Variants in RBFOX1 observed in about 807,000 individuals in gnomAD.
RBFOX1 encodes RNA binding fox-1 homolog 1.
A neutral mutation model predicts 57.7 loss-of-function variants in RBFOX1; 8 were observed. The ratio of observed to expected loss-of-function variants is 0.14; its 90% CI spans 0.08 to 0.25. RBFOX1 has a LOEUF of 0.25. RBFOX1 is among the 10% of genes least tolerant of loss of function. The pLI is 1.00. For missense variants in RBFOX1, 611 were observed against 548.5 expected (o/e 1.11, Z -1.14); for synonymous variants, 326 against 222.4 (o/e 1.47, Z -4.15).
At chr16:6,847,924 G>C (rs927044200) in intron 3 of RBFOX1, among the ~76,000 whole-genome samples, 2 of 152,010 alleles carry the variant, frequency 1.3e-5, no homozygotes, top group African/African-American at 4.8e-5. Flanking sequence ...TGCAACCTCT[G>C]TATCAAGCAA....
intron 3 of RBFOX1, among the ~76,000 whole-genome samples, chr16:6,960,956 C>T (rs1269447440): frequency 7.1e-6 from 1 of 141,520 alleles, no homozygotes; most frequent in African/African-American, 2.7e-5. Context: ...GATGAAACTC[C>T]ATCTCTACTG....
At chr16:6,734,192 G>T (rs188532579) in intron 3 of RBFOX1, among the ~76,000 whole-genome samples, 8 of 152,166 alleles carry the variant, frequency 5.3e-5, no homozygotes, top group Admixed American at 5.2e-4. Context: ...GCCCACATCC[G>T]TGCAGCTCTG....
At chr16:7,090,938 C>T (rs967421165) in intron 4 of RBFOX1, among the ~76,000 whole-genome samples, 1 of 152,106 alleles carries the variant, frequency 6.6e-6, no homozygotes, top group East Asian at 1.9e-4. Flanking sequence ...TTTAATTCCG[C>T]CAGGATTAGA....
intron 4 of RBFOX1, among the ~76,000 whole-genome samples, chr16:7,171,152 C>T (rs1254419652): frequency 1.3e-5 from 2 of 152,222 alleles, no homozygotes; most frequent in African/African-American, 4.8e-5. Context: ...TACTTGCCAC[C>T]ATTGCCAGTC....
At chr16:6,360,580 A>T (rs139942057) in intron 2 of RBFOX1, among the ~76,000 whole-genome samples, 3 of 152,248 alleles carry the variant, frequency 2.0e-5, no homozygotes, top group African/African-American at 7.2e-5. Flanking sequence ...GTCTCATCCA[A>T]TATTATTATG....
intron 2 of RBFOX1, among the ~76,000 whole-genome samples, chr16:5,572,054 A>C (rs1359603762): frequency 6.6e-6 from 1 of 152,072 alleles, no homozygotes; most frequent in African/African-American, 2.4e-5. Flanking sequence ...CCCTCCTGAC[A>C]TAGAACAAGC....
At chr16:6,169,805 C>A (rs908763178) in intron 1 of RBFOX1, among the ~76,000 whole-genome samples, 2 of 151,598 alleles carry the variant, frequency 1.3e-5, no homozygotes, top group African/African-American at 2.4e-5. Flanking sequence ...CCCTCTATCA[C>A]CCAGGCTGGA....
intron 2 of RBFOX1, among the ~76,000 whole-genome samples, chr16:6,462,776 G>T (rs1321520244): frequency 1.3e-5 from 2 of 150,506 alleles, no homozygotes; most frequent in African/African-American, 4.9e-5. Context: ...AACACTGGAT[G>T]TTAGCAATCT....
At chr16:5,363,403 G>C (rs62017698) in intron 1 of RBFOX1, among the ~76,000 whole-genome samples, 4,666 of 152,216 alleles carry the variant, frequency 0.031, 110 homozygotes, top group Middle Eastern at 0.078. Flanking sequence ...CTACTTGTAA[G>C]TTTTTGAGGA....
At chr16:6,767,929 T>TAAA (rs1388686342) in intron 3 of RBFOX1, among the ~76,000 whole-genome samples, 1 of 88,480 alleles carries the variant, frequency 1.1e-5, no homozygotes, top group Non-Finnish European at 2.0e-5. Context: ...ATAATAATAA[T>TAAA]AATAATAATA....
At chr16:6,852,205 C>A (rs988351817) in intron 3 of RBFOX1, among the ~76,000 whole-genome samples, 14 of 152,232 alleles carry the variant, frequency 9.2e-5, no homozygotes, top group African/African-American at 3.4e-4. Context: ...GCTCTGCTTT[C>A]TCTGGAGTCT....
At chr16:5,810,101 C>G (rs961070885) in intron 3 of RBFOX1, among the ~76,000 whole-genome samples, 3 of 150,908 alleles carry the variant, frequency 2.0e-5, no homozygotes, top group East Asian at 2.0e-4. Context: ...CATATATTCT[C>G]ACTCACAGGT....
chr16:5,335,430 G>T (rs1173539367), intron 1 of RBFOX1, among the ~76,000 whole-genome samples: 3 of 152,210 alleles, frequency 2.0e-5, no homozygotes, highest in African/African-American at 7.2e-5. Flanking sequence ...CAGCGGGACT[G>T]GGGGACAGTG....
intron 3 of RBFOX1, among the ~76,000 whole-genome samples, chr16:5,743,984 C>T (rs1032595321): frequency 6.6e-6 from 1 of 152,152 alleles, no homozygotes; most frequent in African/African-American, 2.4e-5. Flanking sequence ...GCATCCTTTC[C>T]CTTCAAAGGA....
intron 3 of RBFOX1, among the ~76,000 whole-genome samples, chr16:5,760,641 G>A (rs767663876): frequency 5.3e-4 from 81 of 152,314 alleles, no homozygotes; most frequent in Admixed American, 3.7e-3. Flanking sequence ...AAGGAAGGCA[G>A]ACACAAAAGG....
chr16:6,292,957 C>G (rs759898757), intron 1 of RBFOX1, among the ~76,000 whole-genome samples: 1 of 152,110 alleles, frequency 6.6e-6, no homozygotes, highest in South Asian at 2.1e-4. Context: ...AGTGATATAC[C>G]GTAGGCTAGG....
intron 4 of RBFOX1, among the ~76,000 whole-genome samples, chr16:7,257,091 A>C (rs137958336): frequency 1.6e-3 from 240 of 152,236 alleles, no homozygotes; most frequent in African/African-American, 5.3e-3. Context: ...CGGGCTTTGC[A>C]TGCCATCGTC....
At chr16:5,872,688 A>T (rs1327780667) in intron 4 of RBFOX1, among the ~76,000 whole-genome samples, 1 of 152,080 alleles carries the variant, frequency 6.6e-6, no homozygotes, top group East Asian at 1.9e-4. Context: ...GTGAGGCAAG[A>T]TTGCACCACT....
chr16:5,406,035 A>T (rs2066856325), intron 1 of RBFOX1, among the ~76,000 whole-genome samples: 1 of 152,196 alleles, frequency 6.6e-6, no homozygotes, highest in Non-Finnish European at 1.5e-5. Context: ...AGTTGAAGCC[A>T]CTTTTATCTG....
Sources: allele counts gnomAD v4.1 joint callset (sites outside exome capture counted in the v4.1 genomes callset), GRCh38; gene constraint gnomAD v4.1.1; transcripts MANE v1.5; gene names NCBI Gene and HGNC (gene_info 2026-07-23, HGNC 2026-07-21).